The following RSPH3 variants were observed in gnomAD, a reference collection of about 807,000 sequenced individuals.
The protein encoded by RSPH3 is radial spoke head 3.
RSPH3 carries 21 observed loss-of-function variants against 43.8 expected under a neutral mutation model. The ratio of observed to expected loss-of-function variants is 0.48; its 90% CI spans 0.34 to 0.69. RSPH3 has a LOEUF of 0.69. Among genes scored for constraint, RSPH3 ranks in the 30% least tolerant of loss-of-function variants. The pLI is 0.01. For synonymous variants in RSPH3, 173 were observed against 179.8 expected (o/e 0.96, Z 0.30); for missense variants, 487 against 516.0 (o/e 0.94, Z 0.54).
chr6:158,966,145 T>C, the RSPH3 span, among the ~76,000 whole-genome samples: 5 of 152,166 alleles, frequency 3.3e-5, no homozygotes, highest in Non-Finnish European at 7.4e-5. Flanking sequence ...ATATAACATA[T>C]TATATTGATT....
rs375232301 is a variant in RSPH3, at chr6:158,973,555, T to G, written c.*3983A>C. 6.6e-6 allele frequency: 1 copy of G among 152,212 alleles called. No individual in the cohort carries two copies. Among genetic ancestry groups the G allele is most frequent in the East Asian group, 1.9e-4 (1 of 5,198 alleles). The allele number at this position is 152,212 out of a possible 1,614,324, so 9.4% of individuals were successfully genotyped here. A position where few individuals can be genotyped will look rare whatever the true frequency, so the allele number is the denominator to read the frequency against. ...ACTAGACTGATAAATCAGTTCTTTT[T>G]CTTAATTTAAAAGAAAAAAGCTTTG... On this transcript the variant is annotated 3_prime_UTR_variant, in exon 8 of 8. Coordinates refer to ENST00000367069, the MANE Select transcript of RSPH3 (RefSeq NM_031924.8).
chr6:158,984,708 A>C (rs1778169877), intron 3 of RSPH3, among the ~76,000 whole-genome samples: 1 of 151,848 alleles, frequency 6.6e-6, no homozygotes, highest in East Asian at 1.9e-4. Flanking sequence ...TGGCCAAGTC[A>C]TGTCCTCTCT....
chr6:158,977,964 C>T lies in RSPH3; in HGVS notation c.947-116G>A. On this transcript the variant is annotated intron_variant, in intron 7 of 7. Transcript: ENST00000367069. ...ACCTTCACGAAGCCTCATCTCTTTC[C>T]TATGTCATAACCTTTTTTGGAAGTC... The T allele has an allele frequency of 4.7e-6, 4 of 856,474 alleles. No individual in the cohort carries two copies. The South Asian group carries it at 7.0e-5, about 15-fold the overall frequency. 53.1% of individuals were successfully genotyped at this position (856,474 alleles called of 1,614,324 possible). A position where few individuals can be genotyped will look rare whatever the true frequency, so the allele number is the denominator to read the frequency against.
At chr6:158,981,225 T>A (rs1382807147) in intron 5 of RSPH3, among the ~76,000 whole-genome samples, 1 of 152,132 alleles carries the variant, frequency 6.6e-6, no homozygotes, top group African/African-American at 2.4e-5. Context: ...AAAAAGATAA[T>A]CACCATTATA....
At chr6:158,971,059 C>T (rs1230701449), downstream of RSPH3, among the ~76,000 whole-genome samples, 6 of 152,134 alleles carry the variant, frequency 3.9e-5, no homozygotes, top group Admixed American at 2.6e-4. Flanking sequence ...TGTAAATGGG[C>T]TTTTCCAGAG....
rs875989825 is a variant in RSPH3 at position 158,978,308 on chromosome 6, CTTCA to C, written c.894_897del (p.Asn298LysfsTer19). 1 of 1,577,526 alleles carries C rather than the reference CTTCA, an allele frequency of 6.3e-7. No individual in the cohort carries two copies. The highest frequency in any genetic ancestry group is 8.7e-7 in the Non-Finnish European group (1 of 1,148,630). On this transcript the variant is annotated frameshift_variant, in exon 7 of 8. Coordinates refer to ENST00000367069, the MANE Select transcript of RSPH3 (RefSeq NM_031924.8). LOFTEE classifies it low-confidence loss of function (END_TRUNC). ...ATGCTATATTCCATGGTTTTTTCAACTTCATTCATTAGCCATGGAAGAAATCCTA... is the reference window on the plus strand; with the variant it reads ...ATGCTATATTCCATGGTTTTTTCAACTTCATTAGCCATGGAAGAAATCCTA...
rs1777875774 is a variant in RSPH3 at position 158,977,289 on chromosome 6, C to G, written c.*249G>C. On this transcript the variant is annotated 3_prime_UTR_variant, in exon 8 of 8. Transcript: ENST00000367069. Reference sequence around the variant, plus strand: ...GGTTACATATAATGGTAATAGAAAGCTAGTAATTAAATATAATTCTCATTA... The same window carrying G: ...GGTTACATATAATGGTAATAGAAAGGTAGTAATTAAATATAATTCTCATTA... 9.3e-6 allele frequency: 4 copies of G among 431,226 alleles called. No homozygotes were observed. In the Admixed American group the frequency reaches 1.2e-4, roughly 13 times the overall value. The allele number at this position is 431,226 out of a possible 1,614,324, so 26.7% of individuals were successfully genotyped here.
At chr6:158,988,098 A>C (rs1168411831) in intron 2 of RSPH3, 1 of 152,160 alleles carries the variant, frequency 6.6e-6, no homozygotes, top group African/African-American at 2.4e-5. Flanking sequence ...TTGTCTAGGA[A>C]AGACTATCTC....
At chr6:158,992,095 C>A (rs1363802815) in intron 2 of RSPH3, among the ~76,000 whole-genome samples, 2 of 132,014 alleles carry the variant, frequency 1.5e-5, no homozygotes, top group Admixed American at 1.8e-4. Flanking sequence ...ATTCTGGGAA[C>A]ATACCTTAGG....
intron 1 of RSPH3, among the ~76,000 whole-genome samples, chr6:158,995,612 T>G (rs746900682): frequency 1.3e-5 from 2 of 152,102 alleles, no homozygotes; most frequent in Non-Finnish European, 2.9e-5. Context: ...TTATTTTTTT[T>G]GAGACAGAGT....
rs1777818259 is a variant in RSPH3 at position 158,975,847 on chromosome 6, T to A, written c.*1691A>T. 1 of 152,174 alleles carries A rather than the reference T, an allele frequency of 6.6e-6. No homozygotes were observed. The highest frequency in any genetic ancestry group is 2.4e-5 in the African/African-American group (1 of 41,428). The allele number at this position is 152,174 out of a possible 1,614,324, so 9.4% of individuals were successfully genotyped here. A position where few individuals can be genotyped will look rare whatever the true frequency, so the allele number is the denominator to read the frequency against. ...GGTAAATGGGTTAATAATTATAAGT[T>A]ATTTTAAATCACTACGTTTATATAT... On this transcript the variant is annotated 3_prime_UTR_variant, in exon 8 of 8. Transcript: ENST00000367069.
Position 158,973,042 on chromosome 6 carries a change from G to T in RSPH3, c.*4496C>A, listed in dbSNP as rs1309136673. 2 of 152,224 alleles carry T rather than the reference G, an allele frequency of 1.3e-5. No individual in the cohort carries two copies. Among genetic ancestry groups the T allele is most frequent in the African/African-American group, 4.8e-5 (2 of 41,458 alleles). The allele number at this position is 152,224 out of a possible 1,614,324, so 9.4% of individuals were successfully genotyped here. On this transcript the variant is annotated 3_prime_UTR_variant, in exon 8 of 8. Transcript: ENST00000367069. ...TTTTTGGGTCTCTGACTGTGAACAA[G>T]ATTGTGGAAGGTTGGTTGAGGTTAG...
intron 1 of RSPH3, among the ~76,000 whole-genome samples, chr6:158,996,942 T>A (rs1411714152): frequency 1.3e-5 from 2 of 152,110 alleles, no homozygotes; most frequent in Admixed American, 1.3e-4. Flanking sequence ...TTGGCACCAG[T>A]TCTCGCAGTA....
At chr6:158,999,332 GA>G in intron 1 of RSPH3, 102 bp downstream of exon 1, 1 of 1,077,110 alleles carries the variant, frequency 9.3e-7, no homozygotes, top group Non-Finnish European at 1.3e-6. Context: ...GCAGCCAAGG[GA>G]AGACAGCATA....
At chr6:158,966,886 C>T in the RSPH3 span, among the ~76,000 whole-genome samples, 6 of 151,554 alleles carry the variant, frequency 4.0e-5, no homozygotes, top group East Asian at 3.9e-4. Context: ...CTCTTCTTTT[C>T]GTTTTTTAAG....
chr6:158,999,781 C>G lies in RSPH3; in HGVS notation c.-231G>C, dbSNP rs1171400977. On this transcript the variant is annotated 5_prime_UTR_variant, in exon 1 of 8. Coordinates refer to ENST00000367069, the MANE Select transcript of RSPH3 (RefSeq NM_031924.8). The stretch of plus-strand genomic sequence containing the variant: ...CAGAGACCAGCTGCGGGGGCCGCAT[C>G]GGTTGCCCAGCAACCCAGGGTTCTG... 2 of 1,611,694 alleles carry G rather than the reference C, an allele frequency of 1.2e-6. No individual in the cohort carries two copies. The highest frequency in any genetic ancestry group is 1.7e-6 in the Non-Finnish European group (2 of 1,178,432).
At chr6:158,970,867 A>G (rs1014365805), downstream of RSPH3, among the ~76,000 whole-genome samples, 4 of 152,154 alleles carry the variant, frequency 2.6e-5, no homozygotes, top group Non-Finnish European at 4.4e-5. Context: ...AAAGCTTTTT[A>G]AAGCCCCTTA....
At chr6:158,984,370 AAAG>A (rs372470265) in intron 3 of RSPH3, among the ~76,000 whole-genome samples, 3 of 147,866 alleles carry the variant, frequency 2.0e-5, no homozygotes, top group African/African-American at 5.0e-5. Flanking sequence ...AAATGGAACT[AAAG>A]AAGAACATGA....
intron 3 of RSPH3, 77 bp from the exon 4 acceptor site, chr6:158,983,884 A>ACCACTTT: frequency 1.8e-6 from 2 of 1,090,932 alleles, no homozygotes; most frequent in Non-Finnish European, 2.8e-6. Context: ...CCATAATCCC[A>ACCACTTT]GCACTTTGGG....
Sources: allele counts gnomAD v4.1 joint callset (sites outside exome capture counted in the v4.1 genomes callset), GRCh38; gene constraint gnomAD v4.1.1; transcripts MANE v1.5; gene names NCBI Gene and HGNC (gene_info 2026-07-23, HGNC 2026-07-21).